The following ANKS1B variants were observed in gnomAD, a reference collection of about 807,000 sequenced individuals.
The protein encoded by ANKS1B is ankyrin repeat and sterile alpha motif domain-containing protein 1B.
Under a neutral mutation model 148.3 loss-of-function variants are expected in ANKS1B, and 36 were observed. That is an observed-to-expected ratio of 0.24 (90% CI 0.19 to 0.32). The LOEUF is 0.32. ANKS1B is among the 10% of genes least tolerant of loss of function. The pLI is 1.00. For missense variants in ANKS1B, 1,157 were observed against 1,542.6 expected, an observed-to-expected ratio of 0.75 and a Z score of 4.19; for synonymous variants, 542 against 560.8, an observed-to-expected ratio of 0.97 and a Z score of 0.47.
At chr12:99,746,764 C>G (rs758735536) in intron 8 of ANKS1B, among the ~76,000 whole-genome samples, 3 of 152,140 alleles carry the variant, frequency 2.0e-5, no homozygotes, top group Non-Finnish European at 2.9e-5. Flanking sequence ...TGGGCATAGT[C>G]TTACATACAG....
intron 12 of ANKS1B, among the ~76,000 whole-genome samples, chr12:99,391,219 G>A (rs1346114601): frequency 2.0e-5 from 3 of 152,142 alleles, no homozygotes; most frequent in Non-Finnish European, 4.4e-5. Flanking sequence ...GAAAATAAGA[G>A]CCACCGGACA....
chr12:99,876,087 A>G (rs2092017590), intron 1 of ANKS1B, among the ~76,000 whole-genome samples: 1 of 152,192 alleles, frequency 6.6e-6, no homozygotes, highest in South Asian at 2.1e-4. Context: ...CAAAAGGAAA[A>G]GCAAAGCCAG....
intron 17 of ANKS1B, among the ~76,000 whole-genome samples, chr12:99,038,922 G>C (rs142763453): frequency 1.3e-5 from 2 of 152,262 alleles, no homozygotes; most frequent in Non-Finnish European, 2.9e-5. Context: ...TTTCCTTATA[G>C]TATGTGCCAC....
At chr12:98,941,548 G>A (rs1403107322) in intron 17 of ANKS1B, among the ~76,000 whole-genome samples, 1 of 152,200 alleles carries the variant, frequency 6.6e-6, no homozygotes, top group Non-Finnish European at 1.5e-5. Flanking sequence ...GAAATGCACT[G>A]TGAGTATTGA....
chr12:99,532,112 A>G (rs114830416), intron 9 of ANKS1B, among the ~76,000 whole-genome samples: 1,542 of 151,800 alleles, frequency 0.01, 37 homozygotes, highest in African/African-American at 0.036. Flanking sequence ...TGTCAGATAT[A>G]CAGTTTGTGG....
intron 1 of ANKS1B, among the ~76,000 whole-genome samples, chr12:99,967,050 C>T (rs2095492670): frequency 6.6e-6 from 1 of 152,104 alleles, no homozygotes; most frequent in Non-Finnish European, 1.5e-5. Context: ...TAGGTTAAGA[C>T]AGTGTAAACA....
intron 15 of ANKS1B, among the ~76,000 whole-genome samples, chr12:99,139,680 T>C (rs1036881909): frequency 1.3e-5 from 2 of 151,674 alleles, no homozygotes; most frequent in Non-Finnish European, 2.9e-5. Context: ...GATTTGCTAT[T>C]TGCTGTTAAG....
chr12:99,866,647 C>T (rs1179081844), intron 1 of ANKS1B, among the ~76,000 whole-genome samples: 1 of 152,044 alleles, frequency 6.6e-6, no homozygotes, highest in Non-Finnish European at 1.5e-5. Flanking sequence ...AGTATCTTTT[C>T]ACAAATATGC....
chr12:99,258,610 GTT>G (rs56955440), intron 12 of ANKS1B, among the ~76,000 whole-genome samples: 2 of 134,782 alleles, frequency 1.5e-5, no homozygotes, highest in Admixed American at 7.5e-5. Context: ...TTATCCACTT[GTT>G]TTTTTTTTTT....
At chr12:99,060,696 CACACAT>C (rs1166830648) in intron 16 of ANKS1B, among the ~76,000 whole-genome samples, 981 of 83,618 alleles carry the variant, frequency 0.012, 10 homozygotes, top group African/African-American at 0.041. Flanking sequence ...CACACACACA[CACACAT>C]ATATATAGAG....
intron 17 of ANKS1B, among the ~76,000 whole-genome samples, chr12:98,891,871 A>G (rs1417126445): frequency 6.6e-6 from 1 of 152,164 alleles, no homozygotes; most frequent in Non-Finnish European, 1.5e-5. Context: ...GCCTATTCAC[A>G]CTTCTGTTAA....
chr12:99,441,476 C>T (rs1006728209), intron 11 of ANKS1B, among the ~76,000 whole-genome samples: 1 of 151,930 alleles, frequency 6.6e-6, no homozygotes, highest in Admixed American at 6.6e-5. Flanking sequence ...AAGGTCATAA[C>T]TCATATGGAG....
intron 17 of ANKS1B, among the ~76,000 whole-genome samples, chr12:98,899,533 G>C (rs2099769274): frequency 1.3e-5 from 2 of 152,196 alleles, no homozygotes. Flanking sequence ...TCAACTAGTT[G>C]AAAGTCCTTA....
chr12:98,951,914 T>C (rs1338220468), intron 17 of ANKS1B, among the ~76,000 whole-genome samples: 1 of 152,220 alleles, frequency 6.6e-6, no homozygotes, highest in Non-Finnish European at 1.5e-5. Context: ...CACAGGGCCT[T>C]TGTTGATTTA....
intron 9 of ANKS1B, among the ~76,000 whole-genome samples, chr12:99,635,972 G>A (rs1228188512): frequency 6.6e-6 from 1 of 151,986 alleles, no homozygotes; most frequent in Admixed American, 6.6e-5. Context: ...TGTGGGGCTG[G>A]TCAAGGTCAG....
At chr12:98,823,260 C>T (rs1449275893) in intron 19 of ANKS1B, among the ~76,000 whole-genome samples, 1 of 152,160 alleles carries the variant, frequency 6.6e-6, no homozygotes, top group Non-Finnish European at 1.5e-5. Flanking sequence ...TTATTGAGTG[C>T]ACTCTTGACC....
chr12:98,851,888 G>C (rs1183431997), intron 17 of ANKS1B, among the ~76,000 whole-genome samples: 1 of 152,102 alleles, frequency 6.6e-6, no homozygotes. Context: ...GCTGGGCATG[G>C]TGGTGCACGC....
chr12:99,560,556 A>G (rs2097323144), intron 9 of ANKS1B, among the ~76,000 whole-genome samples: 1 of 152,216 alleles, frequency 6.6e-6, no homozygotes, highest in Non-Finnish European at 1.5e-5. Flanking sequence ...ATATCACAAT[A>G]AAATAAGTCA....
chr12:99,816,843 A>G (rs973948340), intron 2 of ANKS1B, among the ~76,000 whole-genome samples: 48 of 151,834 alleles, frequency 3.2e-4, no homozygotes, highest in African/African-American at 9.6e-4. Context: ...TTTCATATAT[A>G]ATATCTAAAT....
Sources: allele counts gnomAD v4.1 joint callset (sites outside exome capture counted in the v4.1 genomes callset), GRCh38; gene constraint gnomAD v4.1.1; transcripts MANE v1.5; gene names NCBI Gene and HGNC (gene_info 2026-07-23, HGNC 2026-07-21).